Variants in PPA2 observed in about 807,000 individuals in gnomAD.
PPA2 encodes inorganic pyrophosphatase 2, mitochondrial.
Under a neutral mutation model 49.5 loss-of-function variants are expected in PPA2, and 48 were observed. The observed-to-expected ratio is 0.97, with a 90% CI of 0.77 to 1.23. PPA2 has a LOEUF of 1.23. PPA2 is among the 50% of genes most tolerant of loss of function. PPA2 has a pLI of 0.00. For synonymous variants in PPA2, 131 were observed against 139.9 expected (o/e 0.94, Z 0.45); for missense variants, 429 against 410.1 (o/e 1.05, Z -0.40).
chr4:105,431,042 C>T (rs1000146911), intron 6 of PPA2, among the ~76,000 whole-genome samples: 2 of 152,146 alleles, frequency 1.3e-5, no homozygotes, highest in Admixed American at 6.6e-5. Context: ...TCCTGCCAAA[C>T]TGTACTAAGA....
At chr4:105,441,789 T>C in intron 5 of PPA2, among the ~76,000 whole-genome samples, 1 of 152,168 alleles carries the variant, frequency 6.6e-6, no homozygotes, top group East Asian at 1.9e-4. Context: ...AAACAAATCC[T>C]TCTCATTTTC....
intron 11 of PPA2, 106 bp downstream of exon 11, chr4:105,370,731 G>A (rs901895378): frequency 8.9e-6 from 11 of 1,234,272 alleles, no homozygotes; most frequent in South Asian, 8.1e-5. Context: ...AGCTTATACA[G>A]CTTTTCAATT....
chr4:105,442,249 T>C (rs1724405461), intron 5 of PPA2, among the ~76,000 whole-genome samples: 1 of 152,144 alleles, frequency 6.6e-6, no homozygotes, highest in South Asian at 2.1e-4. Flanking sequence ...TCATCATCAT[T>C]GAGTTAATAT....
intron 1 of PPA2, among the ~76,000 whole-genome samples, chr4:105,468,669 C>T (rs535251538): frequency 6.6e-6 from 1 of 152,288 alleles, no homozygotes; most frequent in African/African-American, 2.4e-5. Context: ...GGGTAGGAGG[C>T]TGGCTGTTAT....
At chr4:105,373,331 C>T (rs543798743) in intron 10 of PPA2, among the ~76,000 whole-genome samples, 3 of 152,238 alleles carry the variant, frequency 2.0e-5, no homozygotes, top group African/African-American at 7.2e-5. Flanking sequence ...TGGGATTTGA[C>T]GGCTCTGTTT....
intron 1 of PPA2, among the ~76,000 whole-genome samples, chr4:105,470,134 C>T (rs1013881370): frequency 1.3e-5 from 2 of 152,174 alleles, no homozygotes; most frequent in East Asian, 1.9e-4. Context: ...CATAGCTTTT[C>T]CCTATCCTAT....
chr4:105,404,808 A>G (rs10015293), intron 7 of PPA2, among the ~76,000 whole-genome samples: 100,041 of 152,060 alleles, frequency 0.66, 33,023 homozygotes, highest in East Asian at 0.71. Flanking sequence ...CAGGCCAGGC[A>G]CGGTGGCTCA....
chr4:105,441,443 A>C (rs534789493), intron 5 of PPA2, among the ~76,000 whole-genome samples: 1 of 152,294 alleles, frequency 6.6e-6, no homozygotes, highest in East Asian at 1.9e-4. Flanking sequence ...TAGTAAGGAT[A>C]TACGGTACTG....
chr4:105,439,283 T>C (rs1222855917), intron 5 of PPA2, among the ~76,000 whole-genome samples: 1 of 152,332 alleles, frequency 6.6e-6, no homozygotes, highest in South Asian at 2.1e-4. Flanking sequence ...ATGGTAAAGA[T>C]TGTATTAGAA....
intron 4 of PPA2, chr4:105,447,986 T>C: frequency 3.6e-6 from 1 of 279,398 alleles, no homozygotes; most frequent in Non-Finnish European, 7.2e-6. Context: ...CCTCAAGTGA[T>C]CTGCCCGCCT....
intron 7 of PPA2, among the ~76,000 whole-genome samples, chr4:105,418,191 A>C (rs923640365): frequency 1.3e-5 from 2 of 152,234 alleles, no homozygotes; most frequent in African/African-American, 4.8e-5. Flanking sequence ...CTGTCTTCTA[A>C]CACACACAAA....
At chr4:105,417,685 AC>A (rs35077184) in intron 7 of PPA2, among the ~76,000 whole-genome samples, 1 of 152,116 alleles carries the variant, frequency 6.6e-6, no homozygotes, top group Non-Finnish European at 1.5e-5. Context: ...TCCTCCTACA[AC>A]CCATCCCTAC....
chr4:105,376,580 G>A (rs926633041), intron 10 of PPA2, among the ~76,000 whole-genome samples: 6 of 152,014 alleles, frequency 3.9e-5, no homozygotes, highest in Non-Finnish European at 7.4e-5. Context: ...GACCTCTCTG[G>A]GAGGCATTCT....
intron 10 of PPA2, among the ~76,000 whole-genome samples, chr4:105,376,191 G>A (rs1321495252): frequency 1.3e-5 from 2 of 152,162 alleles, no homozygotes; most frequent in African/African-American, 4.8e-5. Context: ...GGATGAAATA[G>A]ATGGCCACAC....
chr4:105,467,304 G>A (rs1246415561), intron 1 of PPA2, among the ~76,000 whole-genome samples: 1 of 152,172 alleles, frequency 6.6e-6, no homozygotes, highest in African/African-American at 2.4e-5. Context: ...AGACCTCTAG[G>A]GAGGAGCACT....
intron 7 of PPA2, among the ~76,000 whole-genome samples, chr4:105,406,410 A>G (rs754465339): frequency 9.2e-5 from 14 of 152,164 alleles, no homozygotes; most frequent in Admixed American, 2.6e-4. Context: ...ATGGCAAACA[A>G]TTTCCCAAAT....
chr4:105,378,430 A>G (rs1164474732), intron 10 of PPA2, among the ~76,000 whole-genome samples: 1 of 152,154 alleles, frequency 6.6e-6, no homozygotes, highest in East Asian at 1.9e-4. Flanking sequence ...GTACATTTTT[A>G]AAAACTGAAT....
chr4:105,422,100 TACTA>T (rs1478654797), intron 7 of PPA2, among the ~76,000 whole-genome samples: 3 of 152,166 alleles, frequency 2.0e-5, no homozygotes, highest in Non-Finnish European at 4.4e-5. Flanking sequence ...GTACTTTAAG[TACTA>T]ACTAATGAGA....
chr4:105,408,216 G>A (rs1722575243), intron 7 of PPA2, among the ~76,000 whole-genome samples: 1 of 152,052 alleles, frequency 6.6e-6, no homozygotes, highest in Admixed American at 6.6e-5. Context: ...ACTGAGAGAT[G>A]ATATTTAAAC....
Sources: gnomAD v4.1 joint callset for allele counts (sites outside exome capture counted in the v4.1 genomes callset) on GRCh38, gnomAD v4.1.1 for gene constraint, MANE v1.5 for transcripts, NCBI Gene and HGNC (gene_info 2026-07-23, HGNC 2026-07-21) for gene names.